MYBBP1A: variants seen among roughly 807,000 people sequenced by gnomAD.
MYBBP1A encodes myb-binding protein 1A.
MYBBP1A carries 147 observed loss-of-function variants against 136.3 expected under a neutral mutation model. The ratio of observed to expected loss-of-function variants is 1.08; its 90% confidence interval spans 0.94 to 1.24. MYBBP1A has a LOEUF of 1.24. MYBBP1A is among the 50% of genes most tolerant of loss of function. The pLI is 0.00. For missense variants in MYBBP1A, 2,060 were observed against 1,727.4 expected (o/e 1.19, Z -3.41); for synonymous variants, 947 against 735.8 (o/e 1.29, Z -4.65).
intron 10 of MYBBP1A, 118 bp downstream of exon 10, chr17:4,549,214 C>A (rs141173826): frequency 2.4e-5 from 19 of 807,144 alleles, no homozygotes; most frequent in African/African-American, 3.4e-5. Context: ...GCCTGCCCCC[C>A]ACTGATGACT....
rs1463141453 is a variant in MYBBP1A at position 4,552,011 on chromosome 17, A to G, written c.906-14T>C. 1.2e-6 allele frequency: 2 copies of G among 1,604,124 alleles called. No individual in the cohort carries two copies. The highest frequency in any genetic ancestry group is 1.7e-6 in the Non-Finnish European group (2 of 1,173,298). On this transcript the variant is annotated splice_polypyrimidine_tract_variant and intron_variant, in intron 7 of 25. Transcript: ENST00000254718. This position sits in a 1 kb window ranked among gnomAD's most constrained non-coding sequence, Gnocchi z 4.7. ...AAACACAGGTAGCTAAAGGGGGTGC[A>G]GGACAGAGCCTGGTCAGAGCCCTTG...
intron 15 of MYBBP1A, 83 bp from the exon 16 acceptor site, chr17:4,545,428 C>A: frequency 6.4e-7 from 1 of 1,572,988 alleles, no homozygotes; most frequent in South Asian, 1.1e-5. Context: ...CAAAGACCTC[C>A]ATTTCCCAGA....
chr17:4,539,903 T>C lies in MYBBP1A; in HGVS notation c.3499A>G (p.Lys1167Glu), dbSNP rs1365467390. The C allele has an allele frequency of 6.2e-7, 1 of 1,600,958 alleles. No homozygotes were observed. Among genetic ancestry groups the C allele is most frequent in the Non-Finnish European group, 8.5e-7 (1 of 1,179,952 alleles). The change falls in exon 26 of 26, where the codon AAG (lysine) becomes GAG (glutamate). Residue 1167 changes from lysine (K) to glutamate (E), a missense_variant. Transcript: ENST00000254718. ...IPSATQSPIS[K>E]KRKKKGFLPE... Reference sequence around the variant, plus strand: ...AAGAATCCCTTTTTCTTCCGCTTCTTACTGATGGGGCTCTGGGTGGCACTG... The same window carrying C: ...AAGAATCCCTTTTTCTTCCGCTTCTCACTGATGGGGCTCTGGGTGGCACTG...
At position 4,543,250 on chromosome 17, in the gene MYBBP1A, A is replaced by G. The variant is rs938728934; in HGVS notation, c.2640-85T>C. ...GCAGAGCCAACCCAAGTCCCACTTT[A>G]TAAGTGGGGAAACAGACCTAGAAGA... On this transcript the variant is annotated intron_variant, in intron 19 of 25. Transcript: ENST00000254718. The G allele has an allele frequency of 2.3e-5, 34 of 1,467,638 alleles. No homozygotes were observed. The African/African-American group carries it at 3.2e-4, about 14-fold the overall frequency. The allele number at this position is 1,467,638 out of a possible 1,614,324, so 90.9% of individuals were successfully genotyped here.
Position 4,538,979 on chromosome 17 carries a change from AAG to A in MYBBP1A, c.*434_*435del, listed in dbSNP as rs1227013565. On this transcript the variant is annotated 3_prime_UTR_variant, in exon 26 of 26. Coordinates refer to ENST00000254718, the MANE Select transcript of MYBBP1A (RefSeq NM_014520.4). ...TGCTGATTGTGAATCTCAGAGTCTT[AAG>A]AGAGAAGCCAAATATATTCCTCTTG... is the stretch of plus-strand genomic sequence containing the variant. 1.0e-5 allele frequency: 8 copies of A among 798,356 alleles called. No homozygotes were observed. The highest frequency in any genetic ancestry group is 3.4e-5 in the Admixed American group (2 of 59,026). 49.5% of individuals were successfully genotyped at this position (798,356 alleles called of 1,614,324 possible). A position where few individuals can be genotyped will look rare whatever the true frequency, so the allele number is the denominator to read the frequency against.
rs1009720476 is a variant in MYBBP1A, at chr17:4,544,922, C to G, written c.2311-1G>C. 1.3e-6 allele frequency: 2 copies of G among 1,598,136 alleles called. No individual in the cohort carries two copies. The highest frequency in any genetic ancestry group is 1.7e-6 in the Non-Finnish European group (2 of 1,171,054). The stretch of plus-strand genomic sequence containing the variant: ...CCTCGTTCTCACTGTCCTCTCCACC[C>G]TGAGGGACAGAGGCCCAGCGGTCAG... On this transcript the variant is annotated splice_acceptor_variant, in intron 17 of 25. Coordinates refer to ENST00000254718, the MANE Select transcript of MYBBP1A (RefSeq NM_014520.4). LOFTEE classifies it high-confidence loss of function.
Position 4,554,043 on chromosome 17 carries a change from G to A in MYBBP1A, c.429C>T (p.Leu143=). Residue 143 remains leucine (L), a synonymous_variant, in exon 4 of 26, where the codon CTC becomes CTT. Transcript: ENST00000254718. ...CCTTCACCAGCCGACCTGACTGAAAGAGGGCGAGCACTCCAAACAGGTTTG... is the reference window on the plus strand; with the variant it reads ...CCTTCACCAGCCGACCTGACTGAAAAAGGGCGAGCACTCCAAACAGGTTTG... ...LFANLFGVLA[L]FQSGRLVKDQ... The A allele has an allele frequency of 6.2e-7, 1 of 1,614,042 alleles. No individual in the cohort carries two copies. Among genetic ancestry groups the A allele is most frequent in the Non-Finnish European group, 8.5e-7 (1 of 1,180,036 alleles).
chr17:4,543,637 G>A (rs1190429531), intron 19 of MYBBP1A, among the ~76,000 whole-genome samples: 1 of 152,142 alleles, frequency 6.6e-6, no homozygotes, highest in Non-Finnish European at 1.5e-5. Context: ...GCCCGGGCGG[G>A]CCTGGGTTTG....
At position 4,555,148 on chromosome 17, in the gene MYBBP1A, C is replaced by T; in HGVS notation, c.177G>A (p.Glu59=). ...CCACCTTCGGCCTGCCACGCAGATA[C>T]TCCAGCAGCTTCTCCGTGGCCGCAA... ...TRLAATEKLL[E]YLRGRPKGSE... Residue 59 remains glutamate, a synonymous_variant, in exon 1 of 26, where the codon GAG becomes GAA. Transcript: ENST00000254718. 1 of 1,598,182 alleles carries T rather than the reference C, an allele frequency of 6.3e-7. No individual in the cohort carries two copies. Among genetic ancestry groups the T allele is most frequent in the Non-Finnish European group, 8.5e-7 (1 of 1,172,274 alleles).
Position 4,548,773 on chromosome 17 carries a change from G to C in MYBBP1A, c.1431-124C>G. 1 of 1,375,948 alleles carries C rather than the reference G, an allele frequency of 7.3e-7. No homozygotes were observed. Among genetic ancestry groups the C allele is most frequent in the Non-Finnish European group, 9.9e-7 (1 of 1,007,184 alleles). The allele number at this position is 1,375,948 out of a possible 1,614,324, so 85.2% of individuals were successfully genotyped here. Reference sequence around the variant, plus strand: ...AGGAGGAGCCGCCCTTCTGCCCTGGGTACAGTCCTCGGGGGCCTGACGGGC... The same window carrying C: ...AGGAGGAGCCGCCCTTCTGCCCTGGCTACAGTCCTCGGGGGCCTGACGGGC... On this transcript the variant is annotated intron_variant, in intron 10 of 25. Transcript: ENST00000254718. This position sits in a 1 kb window ranked among gnomAD's most constrained non-coding sequence, Gnocchi z 4.2.
chr17:4,544,660 G>C lies in MYBBP1A; in HGVS notation c.2482-14C>G. 1 of 1,566,442 alleles carries C rather than the reference G, an allele frequency of 6.4e-7. No homozygotes were observed. Among genetic ancestry groups the C allele is most frequent in the Non-Finnish European group, 8.7e-7 (1 of 1,153,380 alleles). On this transcript the variant is annotated splice_polypyrimidine_tract_variant and intron_variant, in intron 18 of 25. Transcript: ENST00000254718. ...CAGGTCCAGCACCTGCAGCCAGGAG[G>C]GCAGGTCAGCAACACGGGGGTGGGC...
At position 4,545,089 on chromosome 17, in the gene MYBBP1A, G is replaced by T; in HGVS notation, c.2247C>A (p.Asp749Glu). 1 of 1,574,302 alleles carries T rather than the reference G, an allele frequency of 6.4e-7. No individual in the cohort carries two copies. The highest frequency in any genetic ancestry group is 1.1e-5 in the South Asian group (1 of 87,936). The change falls in exon 17 of 26, where the codon GAC (aspartate) becomes GAA (glutamate). Residue 749 changes from aspartate (D) to glutamate (E), a missense_variant. Asp to Glu is a conservative substitution (Grantham distance 45). Coordinates refer to ENST00000254718, the MANE Select transcript of MYBBP1A (RefSeq NM_014520.4). Reference protein sequence around the residue: ...EGEESEEEERDGDVDQGFREQ... With the variant: ...EGEESEEEEREGDVDQGFREQ... ...CCCGGAAGCCCTGATCCACGTCCCC[G>T]TCGCGCTCCTCCTCCTCGCTCTCCT...
chr17:4,555,290 G>T lies in MYBBP1A; in HGVS notation c.35C>A (p.Pro12His). 1 of 1,609,318 alleles carries T rather than the reference G, an allele frequency of 6.2e-7. No individual in the cohort carries two copies. Among genetic ancestry groups the T allele is most frequent in the East Asian group, 2.2e-5 (1 of 44,762 alleles). The change falls in exon 1 of 26, where the codon CCT becomes CAT. Residue 12 changes from proline to histidine, a missense_variant. Coordinates refer to ENST00000254718, the MANE Select transcript of MYBBP1A (RefSeq NM_014520.4). ...GGCGCCACTCTGCGTCGCTTCTCCA[G>T]GCGACATCGGCTGGGCGGGATCCCG... ...ESRDPAQPMSPGEATQSGARP... is the reference protein window; with the variant it reads ...ESRDPAQPMSHGEATQSGARP...
Position 4,548,143 on chromosome 17 carries a change from C to T in MYBBP1A, c.1724G>A (p.Arg575Gln), listed in dbSNP as rs745496940. 33 of 1,604,630 alleles carry T rather than the reference C, an allele frequency of 2.1e-5. No individual in the cohort carries two copies. Among genetic ancestry groups the T allele is most frequent in the African/African-American group, 2.7e-5 (2 of 74,934 alleles). ...CCCCCTGGAAATCCCACGTGCTCAC[C>T]GGTCCCAGGCCTGGCGCTGCTGCGC... ...FTAQQRQAWD[R>Q]MLQTLKELEA... is the part of the protein sequence containing the mutation. Residue 575 changes from arginine (R) to glutamine (Q), a missense_variant and splice_region_variant, in exon 12 of 26, where the codon CGG becomes CAG. Transcript: ENST00000254718. This position sits in a 1 kb window ranked among gnomAD's most constrained non-coding sequence, Gnocchi z 4.2.
At chr17:4,551,770 G>T in intron 8 of MYBBP1A, 110 bp downstream of exon 8, 1 of 913,646 alleles carries the variant, frequency 1.1e-6, no homozygotes. Context: ...AGACGGAGGG[G>T]ACACCCATAG....
At position 4,542,606 on chromosome 17, in the gene MYBBP1A, C is replaced by T. The variant is rs1208286313; in HGVS notation, c.3018+10G>A. On this transcript the variant is annotated intron_variant, in intron 21 of 25. Coordinates refer to ENST00000254718, the MANE Select transcript of MYBBP1A (RefSeq NM_014520.4). ...GACCATGAGGAAGCAGGGCAGGCCC[C>T]AACACTCACCGGGTGCCGGGAGAAG... 1.9e-6 allele frequency: 3 copies of T among 1,613,690 alleles called. No homozygotes were observed. The highest frequency in any genetic ancestry group is 1.3e-5 in the African/African-American group (1 of 74,912).
In MYBBP1A at chr17:4,550,089, GGTT is replaced by G; in HGVS notation, c.1285_1287del (p.Asn429del). 1 of 1,613,660 alleles carries G rather than the reference GGTT, an allele frequency of 6.2e-7. No homozygotes were observed. The highest frequency in any genetic ancestry group is 1.3e-5 in the African/African-American group (1 of 75,046). On this transcript the variant is annotated inframe_deletion, in exon 9 of 26. Coordinates refer to ENST00000254718, the MANE Select transcript of MYBBP1A (RefSeq NM_014520.4). ...AGCGATGAATCCTGGGCTTTCTTCT[GGTT>G]GTTGGTGCTGAAGTCAACCAAGGAG...
Position 4,545,240 on chromosome 17 carries a change from C to T in MYBBP1A, c.2160+19G>A, listed in dbSNP as rs774097009. 2.9e-5 allele frequency: 47 copies of T among 1,612,828 alleles called. No homozygotes were observed. The highest frequency in any genetic ancestry group is 1.0e-4 in the Admixed American group (6 of 59,976). On this transcript the variant is annotated intron_variant, in intron 16 of 25. Coordinates refer to ENST00000254718, the MANE Select transcript of MYBBP1A (RefSeq NM_014520.4). ...CGTCCCACTCCCCACCGCCCCCGCCCGGCCCATGCTGGCAACACCTCTGCA... is the reference window on the plus strand; with the variant it reads ...CGTCCCACTCCCCACCGCCCCCGCCTGGCCCATGCTGGCAACACCTCTGCA...
intron 25 of MYBBP1A, 89 bp from the exon 26 acceptor site, chr17:4,540,056 G>A: frequency 1.4e-6 from 2 of 1,438,062 alleles, no homozygotes; most frequent in Non-Finnish European, 1.9e-6. Context: ...GATTCTGAGG[G>A]TCCTCTGAGG....
Sources: gnomAD v4.1 joint callset for allele counts (sites outside exome capture counted in the v4.1 genomes callset) on GRCh38, gnomAD v4.1.1 for gene constraint, Gnocchi (gnomAD v3.1) non-coding constraint, MANE v1.5 for transcripts, NCBI Gene and HGNC (gene_info 2026-07-23, HGNC 2026-07-21) for gene names.